ZNF782: variants seen among roughly 807,000 people sequenced by gnomAD.
ZNF782 encodes the protein zinc finger protein 782.
In ZNF782, 12 loss-of-function variants were observed where a neutral mutation model predicts 13.0. The ratio of observed to expected loss-of-function variants is 0.92; its 90% CI spans 0.59 to 1.50. The LOEUF is 1.50. Ranked by LOEUF, ZNF782 falls within the 40% of genes most tolerant of loss-of-function variation. ZNF782 has a pLI of 0.00. For missense variants in ZNF782, 770 were observed against 822.9 expected, an observed-to-expected ratio of 0.94 and a Z score of 0.79; for synonymous variants, 284 against 283.0, an observed-to-expected ratio of 1.00 and a Z score of -0.04.
chr9:96,827,554 C>T (rs1850666810), intron 4 of ZNF782, among the ~76,000 whole-genome samples: 1 of 152,118 alleles, frequency 6.6e-6, no homozygotes, highest in African/African-American at 2.4e-5. Flanking sequence ...GCAATCGTCT[C>T]ACCCTGGCCT....
chr9:96,819,893 G>T, intron 5 of ZNF782, 115 bp from the exon 6 acceptor site: 1 of 849,268 alleles, frequency 1.2e-6, no homozygotes, highest in African/African-American at 1.8e-5. Context: ...TTCTGGCTCA[G>T]TTTCTCAACA....
the ZNF782 span, among the ~76,000 whole-genome samples, chr9:96,900,740 T>G: frequency 6.6e-6 from 1 of 152,264 alleles, no homozygotes; most frequent in Non-Finnish European, 1.5e-5. Flanking sequence ...AAACTCTGTC[T>G]CAAACAAAAC....
At chr9:96,931,940 T>C in the ZNF782 span, 1 of 1,612,008 alleles carries the variant, frequency 6.2e-7, no homozygotes, top group South Asian at 1.1e-5. Flanking sequence ...GGCTGGGGCT[T>C]CCAACGTCTT....
chr9:96,930,991 T>C, the ZNF782 span, among the ~76,000 whole-genome samples: 22 of 144,396 alleles, frequency 1.5e-4, no homozygotes, highest in African/African-American at 5.1e-4. Context: ...GCCTCCTCGG[T>C]TCAAGCAATT....
the ZNF782 span, among the ~76,000 whole-genome samples, chr9:96,929,261 G>A: frequency 6.6e-6 from 1 of 152,128 alleles, no homozygotes; most frequent in Non-Finnish European, 1.5e-5. Flanking sequence ...GGAATACACC[G>A]TGTAGTGGAA....
At chr9:96,911,763 G>A in the ZNF782 span, among the ~76,000 whole-genome samples, 4 of 151,678 alleles carry the variant, frequency 2.6e-5, no homozygotes, top group South Asian at 6.2e-4. Flanking sequence ...CTCGTGATCC[G>A]CCCACCTCAG....
the ZNF782 span, among the ~76,000 whole-genome samples, chr9:96,919,617 G>A: frequency 7.3e-6 from 1 of 136,764 alleles, no homozygotes; most frequent in Non-Finnish European, 1.6e-5. Flanking sequence ...AGGCAGAAGT[G>A]CAGTGGTGCA....
the ZNF782 span, among the ~76,000 whole-genome samples, chr9:96,898,567 GAC>G: frequency 2.0e-5 from 3 of 148,032 alleles, no homozygotes; most frequent in African/African-American, 7.6e-5. Context: ...TTTTCTTTGA[GAC>G]ACAGTCTCCC....
At chr9:96,865,054 T>TAA (rs767408699) in intron 1 of ZNF782, among the ~76,000 whole-genome samples, 3 of 149,128 alleles carry the variant, frequency 2.0e-5, no homozygotes, top group Non-Finnish European at 4.5e-5. Context: ...TCTTAAAATT[T>TAA]AAAAAAAAAA....
chr9:96,817,999 T>G lies in ZNF782; in HGVS notation c.2024A>C (p.Lys675Thr), dbSNP rs775800957. Residue 675 changes from lysine to threonine, a missense_variant, in exon 6 of 6, where the codon AAA becomes ACA. Coordinates refer to ENST00000481138, the MANE Select transcript of ZNF782 (RefSeq NM_001001662.3). Reference sequence around the variant, plus strand: ...GAAAGTTCTCCCACATTTATCACATTTATAGGGTTTCTCCCCTGTGTGAGT... The same window carrying G: ...GAAAGTTCTCCCACATTTATCACATGTATAGGGTTTCTCCCCTGTGTGAGT... ...QRTHTGEKPY[K>T]CDKCGRTFSQ... 2.8e-5 allele frequency: 45 copies of G among 1,613,304 alleles called. No individual in the cohort carries two copies. Among genetic ancestry groups the G allele is most frequent in the Non-Finnish European group, 3.6e-5 (42 of 1,179,732 alleles).
the ZNF782 span, among the ~76,000 whole-genome samples, chr9:96,922,382 A>G: frequency 2.0e-5 from 3 of 152,214 alleles, no homozygotes; most frequent in East Asian, 5.8e-4. Context: ...TAATTGTATT[A>G]GCCCAGAATT....
the ZNF782 span, among the ~76,000 whole-genome samples, chr9:96,920,415 C>T: frequency 9.3e-5 from 14 of 149,898 alleles, no homozygotes; most frequent in Admixed American, 4.6e-4. Context: ...TACAGGCGCC[C>T]ACCACCATGC....
chr9:96,925,427 C>T, the ZNF782 span, among the ~76,000 whole-genome samples: 5 of 152,204 alleles, frequency 3.3e-5, 1 homozygote, highest in African/African-American at 1.2e-4. Context: ...CACCTGAGGT[C>T]GGGGGTTCGA....
chr9:96,896,652 T>C, the ZNF782 span, among the ~76,000 whole-genome samples: 3 of 152,222 alleles, frequency 2.0e-5, no homozygotes, highest in South Asian at 2.1e-4. Flanking sequence ...TATTCCTCAA[T>C]TGAGTGTGTT....
At chr9:96,908,515 T>C in the ZNF782 span, among the ~76,000 whole-genome samples, 1 of 150,900 alleles carries the variant, frequency 6.6e-6, no homozygotes, top group Admixed American at 6.6e-5. Flanking sequence ...TTTTCCAGTG[T>C]GCACTACAAA....
At chr9:96,918,000 C>T in the ZNF782 span, among the ~76,000 whole-genome samples, 3 of 150,924 alleles carry the variant, frequency 2.0e-5, no homozygotes, top group East Asian at 5.8e-4. Context: ...CCTCGGTCTC[C>T]TGAAGTGCTG....
intron 1 of ZNF782, among the ~76,000 whole-genome samples, chr9:96,873,946 G>A (rs1588178161): frequency 6.6e-6 from 1 of 152,170 alleles, no homozygotes; most frequent in African/African-American, 2.4e-5. Flanking sequence ...GGAAAGATTT[G>A]TTGTCTAACA....
intron 4 of ZNF782, 73 bp downstream of exon 4, chr9:96,844,817 G>A (rs974164580): frequency 1.9e-5 from 31 of 1,604,672 alleles, no homozygotes; most frequent in South Asian, 6.6e-5. Flanking sequence ...CACATGGTAC[G>A]GTATGGAGAG....
intron 4 of ZNF782, among the ~76,000 whole-genome samples, chr9:96,835,637 C>T (rs1223012168): frequency 6.6e-6 from 1 of 152,188 alleles, no homozygotes; most frequent in Non-Finnish European, 1.5e-5. Context: ...CTGCATAAGC[C>T]TTACATCCCC....
Sources: allele counts gnomAD v4.1 joint callset (sites outside exome capture counted in the v4.1 genomes callset), GRCh38; gene constraint gnomAD v4.1.1; transcripts MANE v1.5; gene names NCBI Gene and HGNC (gene_info 2026-07-23, HGNC 2026-07-21).